The following CALN1 variants were observed in gnomAD, a reference collection of about 807,000 sequenced individuals.
CALN1 encodes the protein calcium-binding protein 8.
A neutral mutation model predicts 30.6 loss-of-function variants in CALN1; 17 were observed. The ratio of observed to expected loss-of-function variants is 0.56; its 90% CI spans 0.38 to 0.83. The LOEUF is 0.83. Ranked by LOEUF, CALN1 falls within the 40% of genes least tolerant of loss-of-function variation. The pLI is 0.00. For missense variants in CALN1, 291 were observed against 354.9 expected (o/e 0.82, Z 1.45); for synonymous variants, 156 against 131.4 (o/e 1.19, Z -1.28).
At chr7:71,983,909 T>G (rs1002850585) in intron 5 of CALN1, among the ~76,000 whole-genome samples, 1 of 151,730 alleles carries the variant, frequency 6.6e-6, no homozygotes, top group Non-Finnish European at 1.5e-5. Flanking sequence ...ATGCTGAAAA[T>G]AAATATAATC....
intron 2 of CALN1, among the ~76,000 whole-genome samples, chr7:72,342,640 T>C (rs1802435514): frequency 6.6e-6 from 1 of 152,214 alleles, no homozygotes; most frequent in South Asian, 2.1e-4. Context: ...AACTTCCTTC[T>C]ACCACCTGCC....
intron 3 of CALN1, among the ~76,000 whole-genome samples, chr7:72,244,316 T>C (rs573627994): frequency 3.0e-4 from 46 of 152,206 alleles, no homozygotes; most frequent in Non-Finnish European, 5.9e-4. Context: ...TATTTCAGAA[T>C]TCTGGGTATT....
At chr7:71,933,828 G>A (rs1338263977) in intron 5 of CALN1, among the ~76,000 whole-genome samples, 1 of 152,072 alleles carries the variant, frequency 6.6e-6, no homozygotes, top group African/African-American at 2.4e-5. Context: ...TGCTAGGTTC[G>A]GAGCAGTATT....
intron 3 of CALN1, among the ~76,000 whole-genome samples, chr7:72,239,899 G>C (rs528596343): frequency 2.6e-5 from 4 of 152,150 alleles, no homozygotes; most frequent in Non-Finnish European, 5.9e-5. Context: ...GGATAGTCTT[G>C]TACATTGCAT....
intron 5 of CALN1, among the ~76,000 whole-genome samples, chr7:71,874,174 C>T (rs1033363505): frequency 4.0e-5 from 6 of 150,044 alleles, no homozygotes; most frequent in African/African-American, 1.5e-4. Context: ...ATTTGGAAGG[C>T]TGAGATATGA....
At chr7:72,250,261 G>A in intron 3 of CALN1, among the ~76,000 whole-genome samples, 1 of 152,182 alleles carries the variant, frequency 6.6e-6, no homozygotes, top group East Asian at 1.9e-4. Context: ...TTCAAACAAG[G>A]AGCCTGGAAG....
chr7:72,100,697 G>A (rs1426299216), intron 4 of CALN1, among the ~76,000 whole-genome samples: 4 of 151,462 alleles, frequency 2.6e-5, no homozygotes, highest in Admixed American at 2.0e-4. Context: ...GCGGGTGCCT[G>A]TAGTCCCAGC....
intron 5 of CALN1, among the ~76,000 whole-genome samples, chr7:71,820,292 C>T (rs187074315): frequency 7.1e-4 from 108 of 152,290 alleles, no homozygotes; most frequent in African/African-American, 2.5e-3. Context: ...CACCCACCAA[C>T]CTCCAGTTGT....
At chr7:72,363,482 G>A (rs957284991) in intron 2 of CALN1, among the ~76,000 whole-genome samples, 3 of 152,094 alleles carry the variant, frequency 2.0e-5, no homozygotes, top group Admixed American at 6.5e-5. Context: ...CAGGTGATCT[G>A]CCTGCCTTGG....
At chr7:72,251,173 A>C (rs1795528023) in intron 3 of CALN1, among the ~76,000 whole-genome samples, 1 of 152,088 alleles carries the variant, frequency 6.6e-6, no homozygotes, top group African/African-American at 2.4e-5. Flanking sequence ...TCAGCCCTTC[A>C]ATTCTGCTTC....
chr7:72,375,000 A>T (rs570373929), intron 2 of CALN1, among the ~76,000 whole-genome samples: 1 of 151,990 alleles, frequency 6.6e-6, no homozygotes, highest in Non-Finnish European at 1.5e-5. Context: ...AAAATTAGTT[A>T]TTTATACTTA....
chr7:71,809,101 C>T (rs1442667952), intron 6 of CALN1, among the ~76,000 whole-genome samples: 1 of 152,100 alleles, frequency 6.6e-6, no homozygotes, highest in African/African-American at 2.4e-5. Context: ...GGCAGTTTTG[C>T]AGTGTTTAAA....
intron 2 of CALN1, among the ~76,000 whole-genome samples, chr7:72,300,686 C>A (rs1799195907): frequency 1.3e-5 from 2 of 152,246 alleles, no homozygotes; most frequent in African/African-American, 4.8e-5. Flanking sequence ...TAAGTATAAA[C>A]TGTATTTGTC....
intron 5 of CALN1, among the ~76,000 whole-genome samples, chr7:71,885,739 T>C (rs2116846562): frequency 6.6e-6 from 1 of 152,114 alleles, no homozygotes; most frequent in Admixed American, 6.5e-5. Context: ...TAAACAAGAG[T>C]GAGACGCGCT....
chr7:71,949,033 A>G, intron 5 of CALN1, among the ~76,000 whole-genome samples: 1 of 133,726 alleles, frequency 7.5e-6, no homozygotes. Context: ...ACACAGCAAG[A>G]CTCTGTCTCT....
At chr7:71,874,499 TAGTTTGGGTTCCAG>T (rs1184659944) in intron 5 of CALN1, among the ~76,000 whole-genome samples, 1 of 152,104 alleles carries the variant, frequency 6.6e-6, no homozygotes, top group Non-Finnish European at 1.5e-5. Context: ...CTTCATTCTC[TAGTTTGGGTTCCAG>T]AGCACGGAAT....
intron 2 of CALN1, among the ~76,000 whole-genome samples, chr7:72,366,853 C>T (rs1298794255): frequency 6.6e-6 from 1 of 151,404 alleles, no homozygotes; most frequent in Admixed American, 6.6e-5. Flanking sequence ...TTGACATGCT[C>T]ACAAAAGACA....
chr7:71,857,012 A>ATG lies in CALN1; in HGVS notation c.502-46522_502-46521dup, dbSNP rs1554357055. Among the ~76,000 whole-genome samples, 286 of 123,130 alleles carry ATG rather than the reference A, an allele frequency of 2.3e-3. 2 individuals carry two copies. The highest frequency in any genetic ancestry group is 3.3e-3 in the Non-Finnish European group (202 of 61,858). 80.8% of individuals were successfully genotyped at this position (123,130 alleles called of 152,430 possible). A position where few individuals can be genotyped will look rare whatever the true frequency, so the allele number is the denominator to read the frequency against. On this transcript the variant is annotated intron_variant, in intron 5 of 6. Coordinates refer to ENST00000395275, the MANE Select transcript of CALN1 (RefSeq NM_031468.4). ...CTGTAGACAACCTCATGGTGTGTAT[A>ATG]TGTATGTGTGTGTGTGTGTGTGTGT...
intron 3 of CALN1, among the ~76,000 whole-genome samples, chr7:72,236,348 T>C (rs1794474864): frequency 1.3e-5 from 2 of 152,166 alleles, no homozygotes; most frequent in Admixed American, 6.5e-5. Context: ...TTCTCAGTGT[T>C]CAGAGCCACT....
Sources: allele counts gnomAD v4.1 joint callset (sites outside exome capture counted in the v4.1 genomes callset), GRCh38; gene constraint gnomAD v4.1.1; transcripts MANE v1.5; gene names NCBI Gene and HGNC (gene_info 2026-07-23, HGNC 2026-07-21).